Variants in SGSM3 observed in about 807,000 individuals in gnomAD.
SGSM3 encodes RUN and SH3 containing 3.
In SGSM3, 96 loss-of-function variants were observed where a neutral mutation model predicts 100.5. That is an observed-to-expected ratio of 0.96 (90% confidence interval 0.81 to 1.13). The LOEUF is 1.13. Among genes scored for constraint, SGSM3 ranks in the 50% most tolerant of loss-of-function variants. SGSM3 has a pLI of 0.00. For missense variants in SGSM3, 1,001 were observed against 1,015.8 expected (o/e 0.99, Z 0.20); for synonymous variants, 483 against 422.8 (o/e 1.14, Z -1.75).
chr22:40,386,516 T>C (rs916170959), intron 1 of SGSM3, among the ~76,000 whole-genome samples: 4 of 151,380 alleles, frequency 2.6e-5, no homozygotes, highest in African/African-American at 9.7e-5. Flanking sequence ...CTGGTCTGGC[T>C]ATGCTGCTTT....
intron 1 of SGSM3, among the ~76,000 whole-genome samples, chr22:40,377,626 A>G (rs1236562863): frequency 6.6e-6 from 1 of 152,152 alleles, no homozygotes; most frequent in Admixed American, 6.5e-5. Context: ...CATTGGGCTA[A>G]GGAGTTTGAG....
At chr22:40,389,904 C>CAAAAAAAAAAAGAAAAA (rs1463331017) in intron 1 of SGSM3, among the ~76,000 whole-genome samples, 1 of 58,510 alleles carries the variant, frequency 1.7e-5, no homozygotes, top group Non-Finnish European at 3.3e-5. Flanking sequence ...AACTCCGTCT[C>CAAAAAAAAAAAGAAAAA]AAAAAAAAAA....
At chr22:40,377,838 C>G (rs2146769425) in intron 1 of SGSM3, among the ~76,000 whole-genome samples, 1 of 147,664 alleles carries the variant, frequency 6.8e-6, no homozygotes, top group Admixed American at 6.7e-5. Flanking sequence ...AGAGCAAGAC[C>G]CTGTCTCAAA....
At position 40,409,873 on chromosome 22, in the gene SGSM3, A is replaced by C. The variant is rs534365369; in HGVS notation, c.*114A>C. 2 of 1,456,630 alleles carry C rather than the reference A, an allele frequency of 1.4e-6. No homozygotes were observed. The highest frequency in any genetic ancestry group is 2.8e-5 in the African/African-American group (2 of 70,402). 90.2% of individuals were successfully genotyped at this position (1,456,630 alleles called of 1,614,324 possible). A position where few individuals can be genotyped will look rare whatever the true frequency, so the allele number is the denominator to read the frequency against. On this transcript the variant is annotated 3_prime_UTR_variant, in exon 22 of 22. Transcript: ENST00000248929. ...CCCTGGCCGGGGCCGCGGGATATCA[A>C]TATCAGGCTGCCCCACTCCACGTTC... is the stretch of plus-strand genomic sequence containing the variant.
chr22:40,401,484 G>C (rs1236681972), intron 2 of SGSM3, 109 bp from the exon 3 acceptor site: 1 of 758,292 alleles, frequency 1.3e-6, no homozygotes, highest in African/African-American at 1.7e-5. Context: ...GACCTCAGGT[G>C]ATCTGCCCAC....
chr22:40,401,551 C>T, intron 2 of SGSM3, 42 bp from the exon 3 acceptor site: 1 of 1,545,226 alleles, frequency 6.5e-7, no homozygotes, highest in Non-Finnish European at 8.9e-7. Context: ...TGGCCTGCCT[C>T]TGCATTTTCT....
rs781073832 is a variant in SGSM3 at position 40,404,290 on chromosome 22, G to T, written c.201G>T (p.Leu67=). ...PGSSLLANSP[L]MEDAPQRLRW... ...CCAGTCTGCTGGCGAACTCCCCTCT[G>T]ATGGAGGATGCTCCACAGAGGCTGC... is the stretch of plus-strand genomic sequence containing the variant. The change falls in exon 5 of 22, where the codon CTG becomes CTT. Residue 67 remains leucine, a synonymous_variant. Coordinates refer to ENST00000248929, the MANE Select transcript of SGSM3 (RefSeq NM_015705.6). The T allele has an allele frequency of 6.5e-7, 1 of 1,539,872 alleles. No individual in the cohort carries two copies. The highest frequency in any genetic ancestry group is 8.8e-7 in the Non-Finnish European group (1 of 1,142,136).
intron 1 of SGSM3, among the ~76,000 whole-genome samples, chr22:40,395,867 A>G (rs1198887238): frequency 6.6e-6 from 1 of 151,992 alleles, no homozygotes; most frequent in Non-Finnish European, 1.5e-5. Flanking sequence ...CTTCAGCCTC[A>G]TTCTCCGTAA....
chr22:40,408,899 G>T, intron 18 of SGSM3, 34 bp from the exon 19 acceptor site: 1 of 1,613,918 alleles, frequency 6.2e-7, no homozygotes, highest in Non-Finnish European at 8.5e-7. Context: ...GCCTGTGGGG[G>T]AGCCTGAGTG....
chr22:40,393,802 C>G (rs1013868228), intron 1 of SGSM3, among the ~76,000 whole-genome samples: 1 of 152,170 alleles, frequency 6.6e-6, no homozygotes, highest in Non-Finnish European at 1.5e-5. Flanking sequence ...TCCGTCAAGC[C>G]CCTTTAGGAG....
chr22:40,386,189 A>G (rs894624680), intron 1 of SGSM3, among the ~76,000 whole-genome samples: 1 of 152,030 alleles, frequency 6.6e-6, no homozygotes, highest in African/African-American at 2.4e-5. Context: ...AGCCAAGAGG[A>G]ACTTAAATGG....
rs915229737 is a variant in SGSM3 at position 40,404,585 on chromosome 22, A to T, written c.395A>T (p.Gln132Leu). 2 of 1,613,866 alleles carry T rather than the reference A, an allele frequency of 1.2e-6. No homozygotes were observed. The highest frequency in any genetic ancestry group is 1.3e-5 in the African/African-American group (1 of 75,024). ...TGGATGCGGCTCTCTGGGGCCCTGC[A>T]GAAGAAGAGGAACTCTGAGCTGTCC... is the stretch of plus-strand genomic sequence containing the variant. ...QLWMRLSGAL[Q>L]KKRNSELSYR... The change falls in exon 6 of 22, where the codon CAG (glutamine) becomes CTG (leucine). Residue 132 changes from glutamine to leucine, a missense_variant. Physicochemically the swap from Gln to Leu is moderately radical, Grantham distance 113 (BLOSUM62 -2). Coordinates refer to ENST00000248929, the MANE Select transcript of SGSM3 (RefSeq NM_015705.6).
intron 1 of SGSM3, among the ~76,000 whole-genome samples, chr22:40,392,658 CTG>C (rs2049516801): frequency 6.6e-6 from 1 of 152,162 alleles, no homozygotes; most frequent in Admixed American, 6.5e-5. Flanking sequence ...AATACTTAAA[CTG>C]TAATTATTTT....
intron 1 of SGSM3, among the ~76,000 whole-genome samples, chr22:40,384,273 A>G (rs2048067240): frequency 6.6e-6 from 1 of 152,100 alleles, no homozygotes; most frequent in Non-Finnish European, 1.5e-5. Context: ...AAAAAAAAGG[A>G]GCCAAAAATT....
chr22:40,375,528 C>T (rs758946256), intron 1 of SGSM3, among the ~76,000 whole-genome samples: 20 of 150,818 alleles, frequency 1.3e-4, no homozygotes, highest in East Asian at 3.9e-4. Context: ...TGCAGTGAGC[C>T]GAGATCATGT....
chr22:40,410,180 G>A lies in SGSM3; in HGVS notation c.*421G>A, dbSNP rs2052422802. ...GGTCCAAGGTTCTGCCCTTCCTTGAGTGGTCTAGAAGGCACTGCGTGGCCC... is the reference window on the plus strand; with the variant it reads ...GGTCCAAGGTTCTGCCCTTCCTTGAATGGTCTAGAAGGCACTGCGTGGCCC... On this transcript the variant is annotated 3_prime_UTR_variant, in exon 22 of 22. Coordinates refer to ENST00000248929, the MANE Select transcript of SGSM3 (RefSeq NM_015705.6). 9.2e-7 allele frequency: 1 copy of A among 1,083,648 alleles called. No individual in the cohort carries two copies. The highest frequency in any genetic ancestry group is 1.1e-6 in the Non-Finnish European group (1 of 893,320). The allele number at this position is 1,083,648 out of a possible 1,614,324, so 67.1% of individuals were successfully genotyped here. A position where few individuals can be genotyped will look rare whatever the true frequency, so the allele number is the denominator to read the frequency against.
At chr22:40,371,798 G>A (rs2045547703) in intron 1 of SGSM3, among the ~76,000 whole-genome samples, 1 of 151,940 alleles carries the variant, frequency 6.6e-6, no homozygotes, top group Non-Finnish European at 1.5e-5. Context: ...CCGGATTCAA[G>A]TGATTCTCCT....
At chr22:40,377,713 G>A (rs1262276394) in intron 1 of SGSM3, among the ~76,000 whole-genome samples, 2 of 152,072 alleles carry the variant, frequency 1.3e-5, no homozygotes, top group Non-Finnish European at 1.5e-5. Flanking sequence ...GGGCATGGTG[G>A]CATGTGCCTG....
Position 40,408,615 on chromosome 22 carries a change from C to G in SGSM3, c.1783-12C>G. On this transcript the variant is annotated splice_polypyrimidine_tract_variant and intron_variant, in intron 16 of 21. Transcript: ENST00000248929. ...CCTGTCCCTGCACTCACACCGTGTG[C>G]TGTCCCCACAGGCTGCAGGCCGGGA... 4 of 1,613,716 alleles carry G rather than the reference C, an allele frequency of 2.5e-6. No individual in the cohort carries two copies. Among genetic ancestry groups the G allele is most frequent in the Non-Finnish European group, 3.4e-6 (4 of 1,179,874 alleles).
Sources: allele counts gnomAD v4.1 joint callset (sites outside exome capture counted in the v4.1 genomes callset), GRCh38; gene constraint gnomAD v4.1.1; transcripts MANE v1.5; gene names NCBI Gene and HGNC (gene_info 2026-07-23, HGNC 2026-07-21).